The following CDH9 variants were observed in gnomAD, a reference collection of about 807,000 sequenced individuals.
The protein encoded by CDH9 is cadherin-9.
CDH9 carries 28 observed loss-of-function variants against 70.9 expected under a neutral mutation model. The ratio of observed to expected loss-of-function variants is 0.40; its 90% CI spans 0.29 to 0.54. The LOEUF (loss-of-function observed/expected upper bound fraction) is 0.54. CDH9 is among the 20% of genes least tolerant of loss of function. The pLI is 0.59. For missense variants in CDH9, 874 were observed against 984.4 expected (o/e 0.89, Z 1.50); for synonymous variants, 409 against 343.1 (o/e 1.19, Z -2.12).
At chr5:26,991,013 A>T (rs1230925197) in intron 1 of CDH9, among the ~76,000 whole-genome samples, 1 of 152,196 alleles carries the variant, frequency 6.6e-6, no homozygotes, top group Non-Finnish European at 1.5e-5. Context: ...AGAAATTCTC[A>T]TTCATTTTCA....
At chr5:27,035,727 T>C (rs1378759550) in intron 1 of CDH9, among the ~76,000 whole-genome samples, 2 of 151,460 alleles carry the variant, frequency 1.3e-5, no homozygotes, top group African/African-American at 4.8e-5. Context: ...TGTGGGTGTG[T>C]GTGTATGTGT....
At chr5:26,899,416 A>G (rs1301435923) in intron 7 of CDH9, among the ~76,000 whole-genome samples, 1 of 152,132 alleles carries the variant, frequency 6.6e-6, no homozygotes, top group African/African-American at 2.4e-5. Context: ...ACTTGGACCA[A>G]CCCAAATGTC....
chr5:26,906,518 A>G (rs1233929404), intron 4 of CDH9, among the ~76,000 whole-genome samples: 1 of 152,178 alleles, frequency 6.6e-6, no homozygotes, highest in African/African-American at 2.4e-5. Context: ...CCAATGAATA[A>G]TAGTTTAAAG....
chr5:26,988,106 CTTGCCTACATATTG>C lies in CDH9; in HGVS notation c.214_227del (p.Gln72AlafsTer4). 6.3e-7 allele frequency: 1 copy of C among 1,593,710 alleles called. No individual in the cohort carries two copies. Among genetic ancestry groups the C allele is most frequent in the Non-Finnish European group, 8.6e-7 (1 of 1,165,528 alleles). On this transcript the variant is annotated frameshift_variant and splice_region_variant, in exon 2 of 12. Transcript: ENST00000231021. LOFTEE classifies it high-confidence loss of function. ...AGATTTCTCATACAAAAATTCTTAC[CTTGCCTACATATTG>C]TGTGTCAGTACCTGTGTACTCTTCC...
intron 7 of CDH9, among the ~76,000 whole-genome samples, chr5:26,894,893 A>G (rs1299195403): frequency 6.6e-6 from 1 of 152,068 alleles, no homozygotes; most frequent in African/African-American, 2.4e-5. Context: ...GCATCAAATA[A>G]CATGTGAAAG....
intron 3 of CDH9, among the ~76,000 whole-genome samples, chr5:26,913,091 C>T (rs926466852): frequency 3.3e-5 from 5 of 152,108 alleles, no homozygotes; most frequent in Non-Finnish European, 7.3e-5. Flanking sequence ...TTCCCAGTCT[C>T]GGATATGACT....
chr5:26,941,402 G>A (rs185073497), intron 2 of CDH9, among the ~76,000 whole-genome samples: 5 of 152,248 alleles, frequency 3.3e-5, no homozygotes, highest in African/African-American at 7.2e-5. Context: ...ATGCCCCTTC[G>A]GGATGACAGC....
chr5:26,983,404 A>C (rs1373750698), intron 2 of CDH9, among the ~76,000 whole-genome samples: 1 of 152,204 alleles, frequency 6.6e-6, no homozygotes, highest in Admixed American at 6.5e-5. Flanking sequence ...TCATTACAAA[A>C]ATAAGTATAA....
intron 1 of CDH9, among the ~76,000 whole-genome samples, chr5:27,033,577 T>C (rs907395322): frequency 6.6e-6 from 1 of 151,572 alleles, no homozygotes. Context: ...TGTTAAGTTT[T>C]CCTTAACAGG....
intron 2 of CDH9, among the ~76,000 whole-genome samples, chr5:26,930,625 C>A (rs57682973): frequency 0.051 from 7,821 of 152,104 alleles, 334 homozygotes; most frequent in African/African-American, 0.11. Flanking sequence ...TTACTAACAT[C>A]ATGGTGGTAG....
At chr5:27,031,276 AT>A (rs1408285004) in intron 1 of CDH9, among the ~76,000 whole-genome samples, 1 of 151,908 alleles carries the variant, frequency 6.6e-6, no homozygotes, top group African/African-American at 2.4e-5. Flanking sequence ...GAATTCTAAA[AT>A]GATAAAATAC....
chr5:26,971,109 G>C (rs138965580), intron 2 of CDH9, among the ~76,000 whole-genome samples: 1 of 152,208 alleles, frequency 6.6e-6, no homozygotes, highest in East Asian at 1.9e-4. Context: ...CTTCTTTTCA[G>C]CTTTATGCAA....
At chr5:27,028,707 G>C (rs1743262126) in intron 1 of CDH9, among the ~76,000 whole-genome samples, 1 of 151,868 alleles carries the variant, frequency 6.6e-6, no homozygotes, top group Non-Finnish European at 1.5e-5. Flanking sequence ...TTAGGTACTG[G>C]TTTATAGATA....
intron 5 of CDH9, 43 bp from the exon 6 acceptor site, chr5:26,903,867 T>C (rs774609438): frequency 9.3e-7 from 1 of 1,077,168 alleles, no homozygotes; most frequent in Admixed American, 2.6e-5. Context: ...CATCTTTATA[T>C]AACATTTTTT....
At chr5:26,927,521 G>T (rs1343004167) in intron 2 of CDH9, among the ~76,000 whole-genome samples, 1 of 151,984 alleles carries the variant, frequency 6.6e-6, no homozygotes, top group Non-Finnish European at 1.5e-5. Context: ...ACCTAGTCCG[G>T]CTCTATCACA....
intron 2 of CDH9, among the ~76,000 whole-genome samples, chr5:26,965,708 A>G (rs1742118335): frequency 6.6e-6 from 1 of 151,940 alleles, no homozygotes; most frequent in Non-Finnish European, 1.5e-5. Flanking sequence ...TAATTATCTG[A>G]TCATTTCTGG....
intron 2 of CDH9, among the ~76,000 whole-genome samples, chr5:26,945,605 G>A (rs1160077889): frequency 1.3e-5 from 2 of 152,026 alleles, no homozygotes; most frequent in Non-Finnish European, 1.5e-5. Context: ...AATAGCTTAA[G>A]AATCAGTTAC....
At chr5:26,884,111 G>A (rs1480705405) in intron 11 of CDH9, among the ~76,000 whole-genome samples, 3 of 151,942 alleles carry the variant, frequency 2.0e-5, no homozygotes, top group Non-Finnish European at 2.9e-5. Context: ...CAATGAGCTG[G>A]GAAAGTGAAA....
At chr5:27,036,386 G>T (rs1395849364) in intron 1 of CDH9, among the ~76,000 whole-genome samples, 2 of 151,804 alleles carry the variant, frequency 1.3e-5, no homozygotes, top group Non-Finnish European at 2.9e-5. Context: ...ACATTTAAAA[G>T]AATAATTTCA....
Sources: gnomAD v4.1 joint callset for allele counts (sites outside exome capture counted in the v4.1 genomes callset) on GRCh38, gnomAD v4.1.1 for gene constraint, MANE v1.5 for transcripts, NCBI Gene and HGNC (gene_info 2026-07-23, HGNC 2026-07-21) for gene names.